PARD3: variants seen among roughly 807,000 people sequenced by gnomAD.
The protein encoded by PARD3 is par-3 family cell polarity regulator, also known as partitioning defective 3 homolog.
A neutral mutation model predicts 155.4 loss-of-function variants in PARD3; 75 were observed. The ratio of observed to expected loss-of-function variants is 0.48; its 90% CI spans 0.40 to 0.58. The LOEUF is 0.58. Ranked by LOEUF, PARD3 falls within the 20% of genes least tolerant of loss-of-function variation. The pLI, the probability that PARD3 is intolerant of heterozygous loss-of-function variation, is 0.00. For missense variants in PARD3, 1,642 were observed against 1,721.7 expected (o/e 0.95, Z 0.82); for synonymous variants, 576 against 610.5 (o/e 0.94, Z 0.83).
chr10:34,162,949 T>A (rs1034948903), intron 22 of PARD3, among the ~76,000 whole-genome samples: 1 of 152,054 alleles, frequency 6.6e-6, no homozygotes, highest in Non-Finnish European at 1.5e-5. Flanking sequence ...ACCACATAAT[T>A]TCAGGGCTGG....
chr10:34,178,569 G>A (rs1284707296), intron 22 of PARD3, among the ~76,000 whole-genome samples: 1 of 152,130 alleles, frequency 6.6e-6, no homozygotes, highest in Non-Finnish European at 1.5e-5. Flanking sequence ...AAACCTCCTG[G>A]ATCCTCCTCA....
intron 22 of PARD3, among the ~76,000 whole-genome samples, chr10:34,225,232 C>G (rs575247211): frequency 6.6e-6 from 1 of 152,102 alleles, no homozygotes; most frequent in African/African-American, 2.4e-5. Flanking sequence ...TAGGAGGAAG[C>G]TGTATCAGAG....
chr10:34,155,129 G>A (rs1948945831), intron 22 of PARD3, among the ~76,000 whole-genome samples: 1 of 152,152 alleles, frequency 6.6e-6, no homozygotes, highest in Non-Finnish European at 1.5e-5. Context: ...AATTTGGGCT[G>A]GGTTTGGAGT....
intron 2 of PARD3, among the ~76,000 whole-genome samples, chr10:34,676,669 G>T (rs1367687572): frequency 6.6e-6 from 1 of 152,164 alleles, no homozygotes; most frequent in African/African-American, 2.4e-5. Context: ...AATTTAATTA[G>T]ACAAATTAGG....
intron 22 of PARD3, among the ~76,000 whole-genome samples, chr10:34,168,003 T>C (rs961192903): frequency 1.3e-5 from 2 of 152,108 alleles, no homozygotes; most frequent in Admixed American, 6.6e-5. Context: ...TGTTGAAACA[T>C]GAGTTTTTTT....
At chr10:34,241,532 A>G (rs916524815) in intron 22 of PARD3, among the ~76,000 whole-genome samples, 8 of 152,192 alleles carry the variant, frequency 5.3e-5, no homozygotes, top group Admixed American at 1.3e-4. Flanking sequence ...CACAGAACAG[A>G]GGAATGGAAA....
intron 2 of PARD3, among the ~76,000 whole-genome samples, chr10:34,624,786 C>G (rs935846610): frequency 1.3e-5 from 2 of 152,218 alleles, no homozygotes; most frequent in Admixed American, 1.3e-4. Flanking sequence ...CAGGTGAGGG[C>G]TGTCGGGGCT....
At chr10:34,327,362 G>T in intron 19 of PARD3, among the ~76,000 whole-genome samples, 1 of 152,280 alleles carries the variant, frequency 6.6e-6, no homozygotes, top group East Asian at 1.9e-4. Context: ...CAGGAAGAAT[G>T]TAAGTGCTGC....
chr10:34,319,408 G>A (rs938739551), intron 19 of PARD3, among the ~76,000 whole-genome samples: 2 of 152,112 alleles, frequency 1.3e-5, no homozygotes, highest in Non-Finnish European at 2.9e-5. Context: ...CTTCAGAAAC[G>A]TTAGCCTTCC....
intron 1 of PARD3, among the ~76,000 whole-genome samples, chr10:34,770,038 C>T (rs1838667568): frequency 6.6e-6 from 1 of 152,172 alleles, no homozygotes; most frequent in Non-Finnish European, 1.5e-5. Context: ...CACTGGCTCC[C>T]AATGACTTCC....
Position 34,119,676 on chromosome 10 carries a change from C to G in PARD3, c.3605G>C (p.Arg1202Pro). 1 of 1,612,658 alleles carries G rather than the reference C, an allele frequency of 6.2e-7. No homozygotes were observed. The highest frequency in any genetic ancestry group is 1.1e-5 in the South Asian group (1 of 90,930). The change falls in exon 24 of 25, where the codon CGG (arginine) becomes CCG (proline). Residue 1202 changes from arginine (R) to proline (P), a missense_variant. Around this residue, in one of 3 missense-constraint regions of PARD3, gnomAD observed 1,529 missense variants for 1,587.3 expected, o/e 0.96. Transcript: ENST00000374788. ...HSVSVEVQMQ[R>P]QRQEERESSQ... The stretch of plus-strand genomic sequence containing the variant: ...GCTCTCGCGCTCCTCCTGCCGCTGC[C>G]GCTGCATCTGCACCTCCACGGACAC...
chr10:34,449,158 C>T (rs185400281), intron 5 of PARD3, among the ~76,000 whole-genome samples: 4,366 of 151,904 alleles, frequency 0.029, 92 homozygotes, highest in Middle Eastern at 0.061. Flanking sequence ...ACCTCGTGAT[C>T]CACCCACCTC....
At chr10:34,695,114 C>G (rs2094141807) in intron 2 of PARD3, among the ~76,000 whole-genome samples, 1 of 152,212 alleles carries the variant, frequency 6.6e-6, no homozygotes, top group Non-Finnish European at 1.5e-5. Context: ...TGCCTCCATA[C>G]TACCATGCTG....
chr10:34,401,990 T>TGAAAGG (rs1365497192), intron 5 of PARD3, 73 bp from the exon 6 acceptor site: 2 of 1,190,362 alleles, frequency 1.7e-6, no homozygotes, highest in African/African-American at 3.0e-5. Flanking sequence ...GGAAACTGGA[T>TGAAAGG]AAAATGGAAG....
chr10:34,261,756 G>GGAAGAAAGAAATA (rs1421595244), intron 22 of PARD3, among the ~76,000 whole-genome samples: 1 of 69,642 alleles, frequency 1.4e-5, no homozygotes, highest in African/African-American at 5.9e-5. Flanking sequence ...AAGGAAGGAA[G>GGAAGAAAGAAATA]AAAGGAAGGA....
chr10:34,171,064 C>T (rs991342752), intron 22 of PARD3, among the ~76,000 whole-genome samples: 32 of 152,198 alleles, frequency 2.1e-4, no homozygotes, highest in African/African-American at 7.5e-4. Flanking sequence ...TTTTCCTCCA[C>T]CATAAACACT....
chr10:34,741,346 G>A (rs950259509), intron 1 of PARD3, among the ~76,000 whole-genome samples: 3 of 151,368 alleles, frequency 2.0e-5, no homozygotes, highest in Admixed American at 2.0e-4. Flanking sequence ...ACCACATCTG[G>A]CTAAGTTTTT....
chr10:34,177,534 C>T (rs1464363285), intron 22 of PARD3, among the ~76,000 whole-genome samples: 1 of 152,198 alleles, frequency 6.6e-6, no homozygotes, highest in African/African-American at 2.4e-5. Context: ...GAAAAAAAGT[C>T]ATTCTTCGTT....
chr10:34,191,688 G>T (rs1301618691), intron 22 of PARD3, among the ~76,000 whole-genome samples: 3 of 152,046 alleles, frequency 2.0e-5, no homozygotes. Flanking sequence ...CCTAGGGGGA[G>T]GGAGGATGAA....
Sources: allele counts gnomAD v4.1 joint callset (sites outside exome capture counted in the v4.1 genomes callset), GRCh38; gene constraint gnomAD v4.1.1; regional missense constraint gnomAD v4.1.1; transcripts MANE v1.5; gene names NCBI Gene and HGNC (gene_info 2026-07-23, HGNC 2026-07-21).